STAG1: variants seen among roughly 807,000 people sequenced by gnomAD.
STAG1 encodes STAG1 cohesin complex component.
Under a neutral mutation model 170.9 loss-of-function variants are expected in STAG1, and 26 were observed. The observed-to-expected ratio is 0.15, with a 90% confidence interval of 0.11 to 0.21. The LOEUF is 0.21. STAG1 is among the 10% of genes least tolerant of loss of function. The pLI is 1.00. For missense variants in STAG1, 964 were observed against 1,509.5 expected (o/e 0.64, Z 5.99); for synonymous variants, 514 against 497.7 (o/e 1.03, Z -0.44).
chr3:136,356,705 T>C (rs1274712685), intron 28 of STAG1, among the ~76,000 whole-genome samples: 1 of 152,214 alleles, frequency 6.6e-6, no homozygotes, highest in Non-Finnish European at 1.5e-5. Context: ...TAACAGTTTA[T>C]AAAATTTAGG....
chr3:136,498,245 T>TATACACACAC (rs1933247318), intron 9 of STAG1, among the ~76,000 whole-genome samples: 1 of 68,258 alleles, frequency 1.5e-5, no homozygotes, highest in Non-Finnish European at 2.6e-5. Context: ...CACATACATA[T>TATACACACAC]ACATACACAC....
chr3:136,526,736 G>T (rs965476383), intron 6 of STAG1, among the ~76,000 whole-genome samples: 3 of 152,144 alleles, frequency 2.0e-5, no homozygotes, highest in Non-Finnish European at 2.9e-5. Context: ...GGTACTGGTT[G>T]TTCCTTTCCA....
At chr3:136,494,037 G>A (rs1348409892) in intron 9 of STAG1, among the ~76,000 whole-genome samples, 3 of 152,170 alleles carry the variant, frequency 2.0e-5, no homozygotes, top group Non-Finnish European at 2.9e-5. Context: ...TTGGGAGGCC[G>A]AAGCAGAAGG....
chr3:136,420,253 A>AG (rs2087913204), intron 20 of STAG1, among the ~76,000 whole-genome samples: 1 of 151,442 alleles, frequency 6.6e-6, no homozygotes, highest in African/African-American at 2.4e-5. Context: ...TCAAAAAAAA[A>AG]AAAAAAAAAA....
At chr3:136,638,581 A>G (rs1940672332) in intron 1 of STAG1, among the ~76,000 whole-genome samples, 1 of 152,172 alleles carries the variant, frequency 6.6e-6, no homozygotes, top group Non-Finnish European at 1.5e-5. Context: ...TAGCAAACTA[A>G]TCAAAGTTAG....
intron 1 of STAG1, among the ~76,000 whole-genome samples, chr3:136,678,712 T>G (rs956247194): frequency 6.6e-6 from 1 of 151,574 alleles, no homozygotes; most frequent in Admixed American, 6.6e-5. Context: ...TTGAAAAAGA[T>G]AAACAACTCA....
chr3:136,538,156 T>C (rs2107720566), intron 6 of STAG1, among the ~76,000 whole-genome samples: 1 of 152,298 alleles, frequency 6.6e-6, no homozygotes, highest in African/African-American at 2.4e-5. Context: ...TAGTATGAAA[T>C]ATTGTCTTAT....
At chr3:136,368,683 A>G (rs1372592240) in intron 24 of STAG1, among the ~76,000 whole-genome samples, 4 of 152,182 alleles carry the variant, frequency 2.6e-5, no homozygotes, top group Non-Finnish European at 4.4e-5. Flanking sequence ...ATTATGCTAT[A>G]TCTACATAAA....
chr3:136,418,381 AAAAAAAAAAAAAAAAAAAAG>A lies in STAG1; in HGVS notation c.2109-429_2109-410del, dbSNP rs1404654100. On this transcript the variant is annotated intron_variant, in intron 20 of 33. Transcript: ENST00000383202. ...TCTCCAAAAAAAAAAAAAAAAAAAA[AAAAAAAAAAAAAAAAAAAAG>A]GTTTTTTTCATTTCCTTGCAGAATT... Among the ~76,000 whole-genome samples, 269 of 96,762 alleles carry A rather than the reference AAAAAAAAAAAAAAAAAAAAG, an allele frequency of 2.8e-3. 2 individuals are homozygous for A. Among genetic ancestry groups the A allele is most frequent in the African/African-American group, 8.4e-3 (257 of 30,440 alleles). The allele number at this position is 96,762 out of a possible 152,430, so 63.5% of individuals were successfully genotyped here.
intron 8 of STAG1, among the ~76,000 whole-genome samples, chr3:136,501,537 C>T (rs1933472807): frequency 6.6e-6 from 1 of 152,174 alleles, no homozygotes; most frequent in East Asian, 1.9e-4. Flanking sequence ...CAAGCAACTA[C>T]CAGACACTAG....
intron 1 of STAG1, among the ~76,000 whole-genome samples, chr3:136,711,236 G>A (rs569147571): frequency 6.6e-4 from 100 of 152,226 alleles, no homozygotes; most frequent in African/African-American, 2.2e-3. Flanking sequence ...AAAAGATTCT[G>A]TGGTTTGGTT....
intron 21 of STAG1, among the ~76,000 whole-genome samples, chr3:136,399,571 T>C (rs2087259193): frequency 6.6e-6 from 1 of 152,230 alleles, no homozygotes; most frequent in Admixed American, 6.5e-5. Context: ...CATTAGTTTT[T>C]AGTTCCGTGT....
chr3:136,490,685 AAT>A (rs2090108625), intron 9 of STAG1, among the ~76,000 whole-genome samples: 1 of 152,350 alleles, frequency 6.6e-6, no homozygotes. Context: ...ATAATGGAAT[AAT>A]AGTTTGTTCA....
chr3:136,502,518 C>CT (rs1027965248), intron 8 of STAG1, 110 bp downstream of exon 8: 16 of 1,182,226 alleles, frequency 1.4e-5, no homozygotes, highest in Middle Eastern at 2.0e-4. Flanking sequence ...ATCAAATAAT[C>CT]TAACTAAATA....
At chr3:136,523,197 T>A (rs543346810) in intron 6 of STAG1, among the ~76,000 whole-genome samples, 1 of 152,282 alleles carries the variant, frequency 6.6e-6, no homozygotes, top group South Asian at 2.1e-4. Flanking sequence ...AGTGTAAAAG[T>A]GTTCCTATTT....
intron 3 of STAG1, among the ~76,000 whole-genome samples, chr3:136,615,848 G>GA (rs1386109854): frequency 1.3e-5 from 2 of 151,426 alleles, no homozygotes; most frequent in African/African-American, 4.9e-5. Context: ...GGATGAAATA[G>GA]AAAAAGACAA....
At chr3:136,485,961 G>A (rs990067095) in intron 9 of STAG1, among the ~76,000 whole-genome samples, 6 of 152,152 alleles carry the variant, frequency 3.9e-5, no homozygotes, top group African/African-American at 1.4e-4. Flanking sequence ...CTAACAATGA[G>A]TCCATGAATA....
intron 1 of STAG1, among the ~76,000 whole-genome samples, chr3:136,667,395 AAGATAGAT>A (rs371424112): frequency 1.3e-5 from 2 of 152,318 alleles, no homozygotes; most frequent in Non-Finnish European, 2.9e-5. Context: ...ACAAAAAAGA[AAGATAGAT>A]AGATAGATAG....
intron 5 of STAG1, among the ~76,000 whole-genome samples, chr3:136,559,091 T>C (rs1224537809): frequency 2.0e-5 from 3 of 151,752 alleles, no homozygotes; most frequent in Non-Finnish European, 2.9e-5. Flanking sequence ...ATGTCACAAT[T>C]TAAAAGGATT....
Sources: gnomAD v4.1 joint callset for allele counts (sites outside exome capture counted in the v4.1 genomes callset) on GRCh38, gnomAD v4.1.1 for gene constraint, MANE v1.5 for transcripts, NCBI Gene and HGNC (gene_info 2026-07-23, HGNC 2026-07-21) for gene names.